The following GPR146 variants were observed in gnomAD, a reference collection of about 807,000 sequenced individuals.
GPR146 encodes the protein G protein-coupled receptor 146.
For missense variants in GPR146, 381 were observed against 213.9 expected (o/e 1.78, Z -4.87); for synonymous variants, 203 against 104.3 (o/e 1.95, Z -5.77).
chr7:1,054,175 G>A (rs960058943), intron 1 of GPR146, among the ~76,000 whole-genome samples: 1 of 152,240 alleles, frequency 6.6e-6, no homozygotes, highest in Non-Finnish European at 1.5e-5. Context: ...TCCAGGTAAT[G>A]CCTGGTAAAA....
intron 1 of GPR146, among the ~76,000 whole-genome samples, chr7:1,049,223 G>A (rs950680031): frequency 6.6e-6 from 1 of 152,208 alleles, no homozygotes; most frequent in Non-Finnish European, 1.5e-5. Context: ...ACACGTGTCC[G>A]TTCACAAAGA....
rs372887555 is a variant in GPR146, at chr7:1,048,364, A to T, written c.-25+3706A>T. Among the ~76,000 whole-genome samples, 4 of 152,066 alleles carry T rather than the reference A, an allele frequency of 2.6e-5. No individual in the cohort carries two copies. The East Asian group carries it at 7.7e-4, about 29-fold the overall frequency. On this transcript the variant is annotated intron_variant, in intron 1 of 1. Transcript: ENST00000444847. ...TGTGAAACTAATTCAGCCACCTTGG[A>T]GCAGAGGATTCCTCTGCTGGTTTCT... is the stretch of plus-strand genomic sequence containing the variant.
chr7:1,045,774 C>G (rs1311488802), intron 1 of GPR146: 2 of 152,266 alleles, frequency 1.3e-5, no homozygotes, highest in African/African-American at 2.4e-5. Context: ...GACTTAAGAA[C>G]ATAGTTTATA....
intron 1 of GPR146, chr7:1,045,954 T>A (rs1475262137): frequency 2.0e-5 from 3 of 152,254 alleles, no homozygotes; most frequent in Non-Finnish European, 2.9e-5. Context: ...TAGGGCAGAA[T>A]GTAAATGTGA....
chr7:1,053,793 C>G (rs1372463282), intron 1 of GPR146, among the ~76,000 whole-genome samples: 3 of 152,182 alleles, frequency 2.0e-5, no homozygotes, highest in African/African-American at 7.2e-5. Flanking sequence ...TGCCACTGCA[C>G]TCCAGCCTGG....
At chr7:1,044,971 C>T (rs909489731) in intron 1 of GPR146, among the ~76,000 whole-genome samples, 2 of 152,276 alleles carry the variant, frequency 1.3e-5, no homozygotes, top group African/African-American at 4.8e-5. Flanking sequence ...CAGGGCACCA[C>T]TGATCCTGCT....
Position 1,058,492 on chromosome 7 carries a change from T to C in GPR146, c.977T>C (p.Met326Thr). The C allele has an allele frequency of 5.1e-6, 4 of 779,888 alleles. No homozygotes were observed. The highest frequency in any genetic ancestry group is 9.6e-6 in the Non-Finnish European group (4 of 417,948). The allele number at this position is 779,888 out of a possible 1,614,324, so 48.3% of individuals were successfully genotyped here. ...CGDRHCSPDHMGVQQVLA is the reference protein window; with the variant it reads ...CGDRHCSPDHTGVQQVLA ...GACCGGCACTGCTCCCCGGACCACA[T>C]GGGGGTGCAGCAGGTGCTGGCGTAG... Residue 326 changes from methionine to threonine, a missense_variant, in exon 2 of 2, where the codon ATG becomes ACG. By Grantham distance (81) the Met-to-Thr change is moderately conservative (BLOSUM62 -1). Coordinates refer to ENST00000444847, the MANE Select transcript of GPR146 (RefSeq NM_001303473.2).
chr7:1,049,649 G>C (rs1248976671), intron 1 of GPR146, among the ~76,000 whole-genome samples: 1 of 152,194 alleles, frequency 6.6e-6, no homozygotes, highest in Non-Finnish European at 1.5e-5. Flanking sequence ...AGACAGCAGG[G>C]CACGGTCCTT....
At position 1,058,064 on chromosome 7, in the gene GPR146, C is replaced by A. The variant is rs147488763; in HGVS notation, c.549C>A (p.Asn183Lys). The A allele has an allele frequency of 1.3e-6, 1 of 768,036 alleles. No individual in the cohort carries two copies. The highest frequency in any genetic ancestry group is 1.3e-5 in the South Asian group (1 of 74,626). 47.6% of individuals were successfully genotyped at this position (768,036 alleles called of 1,614,324 possible). The change falls in exon 2 of 2, where the codon AAC (asparagine) becomes AAA (lysine). Residue 183 changes from asparagine (N) to lysine (K), a missense_variant. Physicochemically the swap from Asn to Lys is moderately conservative, Grantham distance 94. Transcript: ENST00000444847. The part of the protein sequence containing the change: ...TRALECAKMQ[N>K]AEAADATLVF... The stretch of plus-strand genomic sequence containing the variant: ...CGCTAGAGTGCGCCAAGATGCAGAA[C>A]GCAGAAGCTGCCGACGCCACGCTGG...
chr7:1,057,501 G>T lies in GPR146; in HGVS notation c.-15G>T. ...TTCCTTCTTTCCGCAGGGTCGCGGA[G>T]CCTCGCCGGCCGCCATGTGGAGCTG... On this transcript the variant is annotated 5_prime_UTR_variant, in exon 2 of 2. Coordinates refer to ENST00000444847, the MANE Select transcript of GPR146 (RefSeq NM_001303473.2). The T allele has an allele frequency of 1.3e-6, 1 of 757,242 alleles. No homozygotes were observed. Among genetic ancestry groups the T allele is most frequent in the Non-Finnish European group, 2.4e-6 (1 of 409,122 alleles). The allele number at this position is 757,242 out of a possible 1,614,324, so 46.9% of individuals were successfully genotyped here.
intron 1 of GPR146, among the ~76,000 whole-genome samples, chr7:1,050,802 G>A (rs901404365): frequency 5.0e-4 from 76 of 152,186 alleles, no homozygotes; most frequent in African/African-American, 1.8e-3. Context: ...ACCCAGAGAC[G>A]GGCACACCGG....
At chr7:1,048,126 C>G (rs1260471059) in intron 1 of GPR146, among the ~76,000 whole-genome samples, 1 of 152,086 alleles carries the variant, frequency 6.6e-6, no homozygotes, top group Non-Finnish European at 1.5e-5. Context: ...CAAGGACGAG[C>G]CAGTGTTTGC....
At chr7:1,050,543 G>A (rs1375881390) in intron 1 of GPR146, among the ~76,000 whole-genome samples, 2 of 152,198 alleles carry the variant, frequency 1.3e-5, no homozygotes, top group African/African-American at 2.4e-5. Context: ...TCCCAGCTCC[G>A]AGCGGATGCT....
At position 1,052,524 on chromosome 7, in the gene GPR146, C is replaced by T. The variant is rs201096494; in HGVS notation, c.-24-4968C>T. Among the ~76,000 whole-genome samples the T allele has an allele frequency of 7.6e-4, 115 of 151,964 alleles. No homozygotes were observed. The highest frequency in any genetic ancestry group is 1.7e-3 in the East Asian group (9 of 5,160). ...GAGGTGCTGGAGGAGCAGGGCCTGGCGGAAGAAGTGGGGGAGCCAGGAAGG... is the reference window on the plus strand; with the variant it reads ...GAGGTGCTGGAGGAGCAGGGCCTGGTGGAAGAAGTGGGGGAGCCAGGAAGG... On this transcript the variant is annotated intron_variant, in intron 1 of 1. Coordinates refer to ENST00000444847, the MANE Select transcript of GPR146 (RefSeq NM_001303473.2). This position sits in a 1 kb window ranked among gnomAD's most constrained non-coding sequence, Gnocchi z 4.2.
At position 1,058,133 on chromosome 7, in the gene GPR146, G is replaced by T. The variant is rs112627962; in HGVS notation, c.618G>T (p.Ala206=). The change falls in exon 2 of 2, where the codon GCG becomes GCT. Residue 206 remains alanine, a synonymous_variant. Transcript: ENST00000444847. ...YVVPALATLY[A]LVLLSRVRRE... is the part of the protein sequence containing the mutation. ...TGCCAGCACTGGCCACCCTCTACGC[G>T]CTGGTGCTACTCTCCCGCGTCCGCA... 1.3e-6 allele frequency: 1 copy of T among 751,340 alleles called. No homozygotes were observed. 46.5% of individuals were successfully genotyped at this position (751,340 alleles called of 1,614,324 possible).
intron 1 of GPR146, among the ~76,000 whole-genome samples, chr7:1,046,658 C>T (rs1782608451): frequency 6.6e-6 from 1 of 152,154 alleles, no homozygotes; most frequent in Admixed American, 6.5e-5. Context: ...TGCTGTCTAC[C>T]CAGGAGCCTC....
chr7:1,054,777 C>T (rs1484065369), intron 1 of GPR146, among the ~76,000 whole-genome samples: 1 of 152,238 alleles, frequency 6.6e-6, no homozygotes, highest in Non-Finnish European at 1.5e-5. Context: ...TTTCTCTGGC[C>T]ATGCCCATGT....
At chr7:1,050,555 T>TG in intron 1 of GPR146, among the ~76,000 whole-genome samples, 1 of 152,330 alleles carries the variant, frequency 6.6e-6, no homozygotes, top group African/African-American at 2.4e-5. Flanking sequence ...GCGGATGCTC[T>TG]GCAAGTGGCG....
At chr7:1,057,440 C>A in intron 1 of GPR146, 52 bp from the exon 2 acceptor site, 1 of 659,478 alleles carries the variant, frequency 1.5e-6, no homozygotes. Flanking sequence ...CACTTCTGGG[C>A]CAGGGCTTTG....
Sources: allele counts gnomAD v4.1 joint callset (sites outside exome capture counted in the v4.1 genomes callset), GRCh38; gene constraint gnomAD v4.1.1; non-coding constraint Gnocchi (gnomAD v3.1); transcripts MANE v1.5; gene names NCBI Gene and HGNC (gene_info 2026-07-23, HGNC 2026-07-21).